The following C19orf18 variants were observed in gnomAD, a reference collection of about 807,000 sequenced individuals.
C19orf18 encodes uncharacterized protein C19orf18.
Under a neutral mutation model 23.3 loss-of-function variants are expected in C19orf18, and 21 were observed. That is an observed-to-expected ratio of 0.90 (90% CI 0.64 to 1.30). The LOEUF (loss-of-function observed/expected upper bound fraction) is 1.30. Ranked by LOEUF, C19orf18 falls within the 50% of genes most tolerant of loss-of-function variation. The probability of loss-of-function intolerance (pLI) is 0.00; values close to 1 mark genes in which losing one functional copy is unlikely to be tolerated. For synonymous variants in C19orf18, 96 were observed against 95.2 expected, an observed-to-expected ratio of 1.01 and a Z score of -0.05; for missense variants, 249 against 259.6, an observed-to-expected ratio of 0.96 and a Z score of 0.28.
intron 3 of C19orf18, among the ~76,000 whole-genome samples, chr19:57,967,008 ACTGAAGT>A (rs1386619809): frequency 6.6e-6 from 1 of 151,764 alleles, no homozygotes; most frequent in Non-Finnish European, 1.5e-5. Flanking sequence ...TTTAGAAAAT[ACTGAAGT>A]TAGATTTTCA....
intron 5 of C19orf18, among the ~76,000 whole-genome samples, chr19:57,960,919 C>G (rs1600203988): frequency 6.6e-6 from 1 of 152,164 alleles, no homozygotes; most frequent in Non-Finnish European, 1.5e-5. Flanking sequence ...GTGGCTCACG[C>G]CTGTAATCCC....
chr19:57,974,254 C>T (rs1322874681), intron 1 of C19orf18, 51 bp from the exon 2 acceptor site: 7 of 1,613,586 alleles, frequency 4.3e-6, no homozygotes, highest in Non-Finnish European at 5.9e-6. Context: ...CTTTTTATCT[C>T]CCCTGAAACA....
chr19:57,962,788 CG>C (rs543638303), intron 4 of C19orf18, among the ~76,000 whole-genome samples: 394 of 150,998 alleles, frequency 2.6e-3, no homozygotes, highest in African/African-American at 9.1e-3. Flanking sequence ...ACCTGGGAGG[CG>C]GAGGTTGCAA....
At chr19:57,963,320 C>T (rs575906618) in intron 4 of C19orf18, among the ~76,000 whole-genome samples, 59 of 151,814 alleles carry the variant, frequency 3.9e-4, no homozygotes, top group African/African-American at 1.3e-3. Flanking sequence ...TGAGCCACCG[C>T]GCCCGGTCCT....
At chr19:57,958,769 T>TG (rs147492862) in intron 5 of C19orf18, 52 bp from the exon 6 acceptor site, 68,085 of 1,080,574 alleles carry the variant, frequency 0.063, 2,679 homozygotes, top group Middle Eastern at 0.083. Flanking sequence ...GGAATAAAAA[T>TG]GGAGACAAAA....
At position 57,974,475 on chromosome 19, in the gene C19orf18, A is replaced by G; in HGVS notation, c.-43T>C. ...TATTTTATCCCGTAGATGAAAGGAA[A>G]TACTTAGCTACAGTCCAGCATCTGT... On this transcript the variant is annotated 5_prime_UTR_variant, in exon 1 of 6. Transcript: ENST00000314391. 6.2e-7 allele frequency: 1 copy of G among 1,606,284 alleles called. No individual in the cohort carries two copies. Among genetic ancestry groups the G allele is most frequent in the East Asian group, 2.2e-5 (1 of 44,852 alleles).
In C19orf18 at chr19:57,974,100, C is replaced by T. The variant is rs771893067; in HGVS notation, c.225G>A (p.Thr75=). 9.3e-6 allele frequency: 15 copies of T among 1,613,256 alleles called. No homozygotes were observed. The African/African-American group carries it at 9.3e-5, about 10-fold the overall frequency. The part of the protein sequence containing the change: ...PGIQGAASRS[T]AASPTNPMKF... The stretch of plus-strand genomic sequence containing the variant: ...TGAATGAGGAATTCAATGACTCACC[C>T]GTGGATCTCGAGGCAGCCCCTTGAA... The change falls in exon 2 of 6, where the codon ACG becomes ACA. Residue 75 remains threonine (T), a splice_region_variant and synonymous_variant. Coordinates refer to ENST00000314391, the MANE Select transcript of C19orf18 (RefSeq NM_152474.5).
At chr19:57,971,667 C>T (rs893002094) in intron 3 of C19orf18, among the ~76,000 whole-genome samples, 9 of 152,104 alleles carry the variant, frequency 5.9e-5, no homozygotes, top group Non-Finnish European at 7.4e-5. Flanking sequence ...GATGGGGTTT[C>T]ACCATGTTAG....
intron 3 of C19orf18, among the ~76,000 whole-genome samples, chr19:57,968,590 T>C (rs2072923529): frequency 1.3e-5 from 2 of 152,068 alleles, no homozygotes; most frequent in African/African-American, 2.4e-5. Context: ...TGGGGTAGAA[T>C]ACATTGAGAT....
chr19:57,964,267 T>A (rs956201051), intron 4 of C19orf18, among the ~76,000 whole-genome samples: 1 of 152,144 alleles, frequency 6.6e-6, no homozygotes, highest in South Asian at 2.1e-4. Flanking sequence ...TAATGAAATA[T>A]ACAGAAGCTA....
At position 57,960,143 on chromosome 19, in the gene C19orf18, C is replaced by T. The variant is rs148480881; in HGVS notation, c.532+1248G>A. On this transcript the variant is annotated intron_variant, in intron 5 of 5. Transcript: ENST00000314391. ...AGATAAATAAATAAAATAAATTCTA[C>T]AGGCGGGGTGCATTGGCTTATGCCT... 2.5e-3 allele frequency among the ~76,000 whole-genome samples: 372 copies of T among 151,104 alleles called. 2 individuals are homozygous for T. Among genetic ancestry groups the T allele is most frequent in the Middle Eastern group, 0.01 (3 of 286 alleles).
chr19:57,974,157 T>C lies in C19orf18; in HGVS notation c.168A>G (p.Lys56=). 2 of 1,614,078 alleles carry C rather than the reference T, an allele frequency of 1.2e-6. No individual in the cohort carries two copies. The highest frequency in any genetic ancestry group is 1.3e-5 in the African/African-American group (1 of 75,026). Residue 56 remains lysine, a synonymous_variant, in exon 2 of 6, where the codon AAA becomes AAG. Transcript: ENST00000314391. ...QPPRNITKEP[K]VFFHKTQLPG... ...GCAACTGGGTTTTATGAAAGAACAC[T>C]TTGGGCTCTTTGGTGATGTTTCTGG...
chr19:57,966,761 T>C lies in C19orf18; in HGVS notation c.269-129A>G, dbSNP rs1022934899. ...GAAACACTTTCAAAAATAGCTTGTT[T>C]TGTTTTTTTTTGTTTTGTTTTCTTT... is the stretch of plus-strand genomic sequence containing the variant. On this transcript the variant is annotated intron_variant, in intron 3 of 5. Coordinates refer to ENST00000314391, the MANE Select transcript of C19orf18 (RefSeq NM_152474.5). 11 of 606,006 alleles carry C rather than the reference T, an allele frequency of 1.8e-5. 1 individual carries two copies. The Admixed American group carries it at 2.1e-4, about 11-fold the overall frequency. 37.5% of individuals were successfully genotyped at this position (606,006 alleles called of 1,614,324 possible).
At chr19:57,974,049 A>C (rs1482538550) in intron 2 of C19orf18, 50 bp downstream of exon 2, 1 of 1,554,908 alleles carries the variant, frequency 6.4e-7, no homozygotes. Context: ...AGATAAGAGG[A>C]CTCCAGGCTA....
At chr19:57,968,297 G>A (rs1347198906) in intron 3 of C19orf18, among the ~76,000 whole-genome samples, 1 of 152,170 alleles carries the variant, frequency 6.6e-6, no homozygotes, top group African/African-American at 2.4e-5. Flanking sequence ...CCTCACCTTT[G>A]GGGTTAGGAT....
At chr19:57,960,388 T>G (rs1357603404) in intron 5 of C19orf18, among the ~76,000 whole-genome samples, 1 of 142,890 alleles carries the variant, frequency 7.0e-6, no homozygotes, top group African/African-American at 2.7e-5. Flanking sequence ...ATCATGCCAC[T>G]GCACTCCAGC....
intron 3 of C19orf18, among the ~76,000 whole-genome samples, 166 bp downstream of exon 3, chr19:57,972,297 G>A (rs1018898151): frequency 1.3e-5 from 2 of 152,180 alleles, no homozygotes; most frequent in African/African-American, 4.8e-5. Flanking sequence ...TGCCCCAAGC[G>A]GTGTCACTGC....
intron 5 of C19orf18, among the ~76,000 whole-genome samples, chr19:57,960,600 G>C (rs2072862070): frequency 6.6e-6 from 1 of 152,106 alleles, no homozygotes; most frequent in Admixed American, 6.6e-5. Context: ...ACGTCAGATG[G>C]AGACAGATGG....
In C19orf18 at chr19:57,966,660, C is replaced by T. The variant is rs373357471; in HGVS notation, c.269-28G>A. The T allele has an allele frequency of 1.4e-4, 208 of 1,487,116 alleles. 1 individual carries two copies. The highest frequency in any genetic ancestry group is 5.3e-4 in the Middle Eastern group (3 of 5,672). 92.1% of individuals were successfully genotyped at this position (1,487,116 alleles called of 1,614,324 possible). On this transcript the variant is annotated intron_variant, in intron 3 of 5. Coordinates refer to ENST00000314391, the MANE Select transcript of C19orf18 (RefSeq NM_152474.5). The stretch of plus-strand genomic sequence containing the variant: ...AAAAAGAAAGAAAAGAAAAGAAGTG[C>T]TCAAAAATGTTCATTTTAGCTATGT...
Sources: gnomAD v4.1 joint callset for allele counts (sites outside exome capture counted in the v4.1 genomes callset) on GRCh38, gnomAD v4.1.1 for gene constraint, MANE v1.5 for transcripts, NCBI Gene and HGNC (gene_info 2026-07-23, HGNC 2026-07-21) for gene names.